RANBP9: variants seen among roughly 807,000 people sequenced by gnomAD.
The protein encoded by RANBP9 is RAN binding protein 9.
Under a neutral mutation model 84.3 loss-of-function variants are expected in RANBP9, and 15 were observed. The observed-to-expected ratio is 0.18, with a 90% CI of 0.12 to 0.27. The LOEUF is 0.27. Among genes scored for constraint, RANBP9 ranks in the 10% least tolerant of loss-of-function variants. The probability of loss-of-function intolerance (pLI) is 1.00; values close to 1 mark genes in which losing one functional copy is unlikely to be tolerated. For missense variants in RANBP9, 809 were observed against 912.8 expected (o/e 0.89, Z 1.46); for synonymous variants, 392 against 349.6 (o/e 1.12, Z -1.35).
chr6:13,644,799 CA>C (rs1765144971), intron 5 of RANBP9, 70 bp from the exon 6 acceptor site: 2 of 1,217,116 alleles, frequency 1.6e-6, no homozygotes. Context: ...TTTAATGTTA[CA>C]TTTAAAAGAA....
At chr6:13,685,578 G>GT (rs2113337738) in intron 2 of RANBP9, among the ~76,000 whole-genome samples, 1 of 151,950 alleles carries the variant, frequency 6.6e-6, no homozygotes, top group South Asian at 2.1e-4. Context: ...GAAATACCCT[G>GT]TCTCCCCAAA....
At chr6:13,651,653 GCCTC>G (rs1362672255) in intron 5 of RANBP9, among the ~76,000 whole-genome samples, 1 of 151,872 alleles carries the variant, frequency 6.6e-6, no homozygotes, top group Non-Finnish European at 1.5e-5. Flanking sequence ...GCCCACCTCG[GCCTC>G]CCTAAGTGCT....
At chr6:13,692,256 C>T (rs1766336486) in intron 2 of RANBP9, among the ~76,000 whole-genome samples, 1 of 152,050 alleles carries the variant, frequency 6.6e-6, no homozygotes, top group South Asian at 2.1e-4. Context: ...AATAGTTTGG[C>T]CAGGCGCGGT....
intron 1 of RANBP9, among the ~76,000 whole-genome samples, chr6:13,701,897 G>A (rs1034018722): frequency 6.6e-6 from 1 of 152,026 alleles, no homozygotes; most frequent in Non-Finnish European, 1.5e-5. Flanking sequence ...TATTATCAAA[G>A]AACAGTCTGT....
intron 10 of RANBP9, among the ~76,000 whole-genome samples, chr6:13,637,236 C>T (rs1584915521): frequency 6.6e-6 from 1 of 152,210 alleles, no homozygotes; most frequent in East Asian, 1.9e-4. Flanking sequence ...GTTTGGTGCC[C>T]AACAAATCCT....
chr6:13,628,468 C>T (rs1383340154), intron 12 of RANBP9, among the ~76,000 whole-genome samples: 1 of 152,056 alleles, frequency 6.6e-6, no homozygotes, highest in East Asian at 1.9e-4. Context: ...AAAAAACATA[C>T]TAAAAAGCTT....
intron 13 of RANBP9, among the ~76,000 whole-genome samples, chr6:13,623,306 C>T (rs1280536313): frequency 6.6e-6 from 1 of 152,112 alleles, no homozygotes; most frequent in Non-Finnish European, 1.5e-5. Context: ...TTTATAGGCA[C>T]AGTTGACAAC....
At chr6:13,671,918 G>A (rs955609803) in intron 2 of RANBP9, among the ~76,000 whole-genome samples, 1 of 152,058 alleles carries the variant, frequency 6.6e-6, no homozygotes, top group Non-Finnish European at 1.5e-5. Flanking sequence ...TAGAAGCACT[G>A]GAAAACTGAG....
intron 5 of RANBP9, among the ~76,000 whole-genome samples, chr6:13,651,997 G>C (rs989443643): frequency 6.6e-6 from 1 of 151,950 alleles, no homozygotes; most frequent in Non-Finnish European, 1.5e-5. Context: ...ACCTCCCTCT[G>C]CCTGAAAACT....
At chr6:13,704,810 T>C (rs1171074757) in intron 1 of RANBP9, among the ~76,000 whole-genome samples, 2 of 152,202 alleles carry the variant, frequency 1.3e-5, no homozygotes, top group Non-Finnish European at 2.9e-5. Context: ...CCTACTCATC[T>C]TTTAAGACTG....
intron 2 of RANBP9, among the ~76,000 whole-genome samples, chr6:13,669,136 T>C (rs1465965039): frequency 6.7e-6 from 1 of 150,206 alleles, no homozygotes; most frequent in African/African-American, 2.4e-5. Context: ...TGGAACAGAA[T>C]AAAAAAAAAG....
intron 2 of RANBP9, among the ~76,000 whole-genome samples, chr6:13,666,445 C>A (rs1167335405): frequency 6.6e-6 from 1 of 151,262 alleles, no homozygotes. Flanking sequence ...GATAAGAACC[C>A]AATAAAAACA....
chr6:13,698,701 TTAACTCA>T lies in RANBP9; in HGVS notation c.572-1812_572-1806del, dbSNP rs762159904. On this transcript the variant is annotated intron_variant, in intron 1 of 13. Coordinates refer to ENST00000011619, the MANE Select transcript of RANBP9 (RefSeq NM_005493.3). ...CACTGCTCTAAGAGCATTAAGTTTA[TTAACTCA>T]TTTAATATCCAAAACAACCCCATGA... 1.2e-3 allele frequency among the ~76,000 whole-genome samples: 185 copies of T among 152,288 alleles called. 1 individual carries two copies. Among genetic ancestry groups the T allele is most frequent in the Non-Finnish European group, 2.0e-3 (139 of 68,028 alleles).
intron 2 of RANBP9, among the ~76,000 whole-genome samples, chr6:13,670,248 G>A (rs997213818): frequency 6.6e-6 from 1 of 151,852 alleles, no homozygotes; most frequent in African/African-American, 2.4e-5. Flanking sequence ...AACTCAGATT[G>A]TGCCACTGCA....
rs1348020285 is a variant in RANBP9 at position 13,679,218 on chromosome 6, C to A, written c.683+17567G>T. On this transcript the variant is annotated intron_variant, in intron 2 of 13. Transcript: ENST00000011619. ...TCGGAAAGTTCACAATAATATACACCAAGCTGCATCTTTCTTCAGCTGCAT... is the reference window on the plus strand; with the variant it reads ...TCGGAAAGTTCACAATAATATACACAAAGCTGCATCTTTCTTCAGCTGCAT... Among the ~76,000 whole-genome samples the A allele has an allele frequency of 2.6e-5, 4 of 152,274 alleles. No individual in the cohort carries two copies. In the East Asian group the frequency reaches 7.7e-4, roughly 29 times the overall value.
chr6:13,624,113 T>C (rs190762244), intron 13 of RANBP9, among the ~76,000 whole-genome samples: 20 of 152,314 alleles, frequency 1.3e-4, no homozygotes, highest in African/African-American at 4.6e-4. Flanking sequence ...ATATAACACA[T>C]TAACCAAAGA....
intron 3 of RANBP9, 145 bp from the exon 4 acceptor site, chr6:13,657,421 CACT>C (rs759920868): frequency 1.7e-4 from 95 of 560,200 alleles, no homozygotes; most frequent in South Asian, 3.4e-4. Context: ...TCAACAATTA[CACT>C]ACATAATTTA....
At position 13,711,497 on chromosome 6, in the gene RANBP9, C is replaced by A; in HGVS notation, c.9G>T (p.Gly3=). The A allele has an allele frequency of 8.0e-7, 1 of 1,248,938 alleles. No individual in the cohort carries two copies. The highest frequency in any genetic ancestry group is 3.3e-5 in the South Asian group (1 of 29,856). The allele number at this position is 1,248,938 out of a possible 1,614,324, so 77.4% of individuals were successfully genotyped here. Residue 3 remains glycine, a synonymous_variant, in exon 1 of 14, where the codon GGG becomes GGT. Transcript: ENST00000011619. The part of the protein sequence containing the change: MS[G]QPPPPPPQQQ... Reference sequence around the variant, plus strand: ...GCTGCGGCGGCGGCGGCGGCGGCTGCCCGGACATCCCGGCCGCGACTCAGC... The same window carrying A: ...GCTGCGGCGGCGGCGGCGGCGGCTGACCGGACATCCCGGCCGCGACTCAGC...
At chr6:13,688,264 A>G (rs1344083884) in intron 2 of RANBP9, among the ~76,000 whole-genome samples, 1 of 152,194 alleles carries the variant, frequency 6.6e-6, no homozygotes, top group Admixed American at 6.5e-5. Flanking sequence ...AGCTTCTAAA[A>G]CAGCTACTAA....
Sources: gnomAD v4.1 joint callset for allele counts (sites outside exome capture counted in the v4.1 genomes callset) on GRCh38, gnomAD v4.1.1 for gene constraint, MANE v1.5 for transcripts, NCBI Gene and HGNC (gene_info 2026-07-23, HGNC 2026-07-21) for gene names.